Variants in DAB1 observed in about 807,000 individuals in gnomAD.
The protein encoded by DAB1 is DAB adaptor protein 1, also known as disabled homolog 1.
Under a neutral mutation model 64.6 loss-of-function variants are expected in DAB1, and 15 were observed. That is an observed-to-expected ratio of 0.23 (90% CI 0.16 to 0.36). The LOEUF is 0.36. Among genes scored for constraint, DAB1 ranks in the 10% least tolerant of loss-of-function variants. DAB1 has a pLI of 1.00. For synonymous variants in DAB1, 235 were observed against 251.9 expected (o/e 0.93, Z 0.64); for missense variants, 596 against 706.7 (o/e 0.84, Z 1.78).
intron 6 of DAB1, among the ~76,000 whole-genome samples, chr1:57,809,994 A>G (rs531192256): frequency 1.3e-4 from 20 of 152,294 alleles, no homozygotes; most frequent in Non-Finnish European, 2.5e-4. Context: ...CAACACCTGT[A>G]CCAAGGATCC....
intron 7 of DAB1, among the ~76,000 whole-genome samples, chr1:57,439,427 T>TC (rs922413346): frequency 1.7e-5 from 2 of 114,552 alleles, no homozygotes; most frequent in Non-Finnish European, 3.6e-5. Flanking sequence ...GGTTTTTTCT[T>TC]TTTTTTTTTT....
intron 4 of DAB1, among the ~76,000 whole-genome samples, chr1:57,128,968 G>T (rs1458400953): frequency 1.3e-5 from 2 of 152,160 alleles, no homozygotes; most frequent in African/African-American, 4.8e-5. Context: ...ATTTGTTCTT[G>T]TGTAAGTTGC....
chr1:57,768,578 A>G (rs145483009), intron 6 of DAB1, among the ~76,000 whole-genome samples: 27 of 150,134 alleles, frequency 1.8e-4, no homozygotes, highest in African/African-American at 6.1e-4. Context: ...TATTATCTAT[A>G]TATACACAAA....
At chr1:57,060,309 C>G (rs1650259911) in intron 9 of DAB1, among the ~76,000 whole-genome samples, 1 of 151,932 alleles carries the variant, frequency 6.6e-6, no homozygotes, top group Non-Finnish European at 1.5e-5. Flanking sequence ...CCTCACCATG[C>G]CCGGCTAATG....
At chr1:58,083,033 T>C (rs1650093874) in intron 5 of DAB1, among the ~76,000 whole-genome samples, 1 of 152,234 alleles carries the variant, frequency 6.6e-6, no homozygotes, top group Non-Finnish European at 1.5e-5. Flanking sequence ...GCGGTATTCT[T>C]GAATGTCAAT....
At chr1:58,455,891 C>T (rs1211488544) in intron 3 of DAB1, among the ~76,000 whole-genome samples, 1 of 152,146 alleles carries the variant, frequency 6.6e-6, no homozygotes, top group Non-Finnish European at 1.5e-5. Flanking sequence ...AGAAAAATGT[C>T]CCCAAAGGGA....
At chr1:58,488,888 T>C (rs148626349) in intron 3 of DAB1, among the ~76,000 whole-genome samples, 44 of 152,388 alleles carry the variant, frequency 2.9e-4, no homozygotes, top group African/African-American at 9.6e-4. Context: ...TTTTATATTA[T>C]GTACAGATAT....
At chr1:57,337,214 G>C (rs11207010) in intron 1 of DAB1, among the ~76,000 whole-genome samples, 61,363 of 152,092 alleles carry the variant, frequency 0.4, 13,119 homozygotes, top group Non-Finnish European at 0.48. Flanking sequence ...CTCTGCTCCT[G>C]CTCGAACTTT....
intron 2 of DAB1, among the ~76,000 whole-genome samples, chr1:57,250,593 T>C (rs1469734986): frequency 6.6e-6 from 1 of 152,186 alleles, no homozygotes; most frequent in Non-Finnish European, 1.5e-5. Context: ...AAATTAACTC[T>C]AGCAAATCTT....
At chr1:57,442,964 C>G (rs1686009781) in intron 7 of DAB1, among the ~76,000 whole-genome samples, 1 of 152,210 alleles carries the variant, frequency 6.6e-6, no homozygotes, top group African/African-American at 2.4e-5. Flanking sequence ...TCCTTCTACT[C>G]TTTCTCCCAT....
intron 7 of DAB1, among the ~76,000 whole-genome samples, chr1:57,646,363 C>T (rs1439360440): frequency 1.3e-5 from 2 of 152,160 alleles, no homozygotes; most frequent in African/African-American, 4.8e-5. Context: ...ACAAGGGTGG[C>T]TAATGAGGAC....
intron 7 of DAB1, among the ~76,000 whole-genome samples, chr1:57,630,218 G>T (rs932402642): frequency 1.6e-4 from 25 of 152,162 alleles, no homozygotes; most frequent in Non-Finnish European, 3.1e-4. Flanking sequence ...AGTGACTTCG[G>T]ATTTCAATTG....
intron 1 of DAB1, among the ~76,000 whole-genome samples, chr1:57,844,288 C>T (rs1419328416): frequency 6.6e-6 from 1 of 152,168 alleles, no homozygotes; most frequent in Non-Finnish European, 1.5e-5. Flanking sequence ...GGACAGCAGC[C>T]CTGCTTTTTC....
At chr1:57,204,185 C>T (rs1032258388) in intron 2 of DAB1, among the ~76,000 whole-genome samples, 11 of 152,072 alleles carry the variant, frequency 7.2e-5, no homozygotes, top group South Asian at 6.2e-4. Context: ...CTACTGTGCC[C>T]GGCCTGGAGT....
At chr1:57,807,327 G>GT (rs1038838350) in intron 6 of DAB1, among the ~76,000 whole-genome samples, 13 of 152,028 alleles carry the variant, frequency 8.6e-5, no homozygotes, top group Non-Finnish European at 1.8e-4. Context: ...ATTGGCAATT[G>GT]TATCTCCAAG....
At chr1:58,174,922 C>T (rs186359299) in intron 4 of DAB1, among the ~76,000 whole-genome samples, 16 of 152,094 alleles carry the variant, frequency 1.1e-4, no homozygotes, top group Non-Finnish European at 1.9e-4. Context: ...ACAAATGCAC[C>T]AATCAGCACT....
intron 3 of DAB1, among the ~76,000 whole-genome samples, chr1:58,476,901 G>A (rs1645424077): frequency 1.3e-5 from 2 of 152,198 alleles, no homozygotes; most frequent in Non-Finnish European, 2.9e-5. Context: ...GGACTTTGGA[G>A]TCAGAAGATG....
chr1:57,246,810 G>C lies in DAB1; in HGVS notation c.67+44154C>G, dbSNP rs188481212. ...TTGAATCAGTGTGCCCTAGGTGTGAGACATGGAGTCAAAGGAGATTATTTT... is the reference window on the plus strand; with the variant it reads ...TTGAATCAGTGTGCCCTAGGTGTGACACATGGAGTCAAAGGAGATTATTTT... On this transcript the variant is annotated intron_variant, in intron 2 of 14. Coordinates refer to ENST00000371236, the MANE Select transcript of DAB1 (RefSeq NM_001365792.1). 2.0e-4 allele frequency among the ~76,000 whole-genome samples: 30 copies of C among 152,356 alleles called. 1 individual carries two copies. Among genetic ancestry groups the C allele is most frequent in the Admixed American group, 1.9e-3 (29 of 15,312 alleles).
chr1:57,566,176 CT>C, intron 7 of DAB1, among the ~76,000 whole-genome samples: 1 of 152,350 alleles, frequency 6.6e-6, no homozygotes, highest in South Asian at 2.1e-4. Flanking sequence ...TGAATGACTA[CT>C]GGGTACATAA....
Sources: allele counts gnomAD v4.1 joint callset (sites outside exome capture counted in the v4.1 genomes callset), GRCh38; gene constraint gnomAD v4.1.1; transcripts MANE v1.5; gene names NCBI Gene and HGNC (gene_info 2026-07-23, HGNC 2026-07-21).